The following INPP5K variants were observed in gnomAD, a reference collection of about 807,000 sequenced individuals.
INPP5K encodes inositol polyphosphate-5-phosphatase K.
In INPP5K, 35 loss-of-function variants were observed where a neutral mutation model predicts 53.5. The observed-to-expected ratio is 0.65, with a 90% CI of 0.50 to 0.87. The LOEUF (loss-of-function observed/expected upper bound fraction) is 0.87. Among genes scored for constraint, INPP5K ranks in the 40% least tolerant of loss-of-function variants. The pLI is 0.00. For missense variants in INPP5K, 550 were observed against 586.2 expected, an observed-to-expected ratio of 0.94 and a Z score of 0.64; for synonymous variants, 253 against 232.8, an observed-to-expected ratio of 1.09 and a Z score of -0.79.
At chr17:1,501,244 C>G (rs1003678686) in intron 7 of INPP5K, among the ~76,000 whole-genome samples, 2 of 152,238 alleles carry the variant, frequency 1.3e-5, no homozygotes, top group South Asian at 4.1e-4. Flanking sequence ...AGGCGTGAGC[C>G]ACCGTGCCTG....
rs368809942 is a variant in INPP5K at position 1,511,032 on chromosome 17, GA to G, written c.262-1234del. 1.0e-3 allele frequency among the ~76,000 whole-genome samples: 151 copies of G among 150,648 alleles called. 2 individuals are homozygous for G. The highest frequency in any genetic ancestry group is 3.5e-3 in the African/African-American group (145 of 41,058). On this transcript the variant is annotated intron_variant, in intron 3 of 11. Transcript: ENST00000421807. ...TTTTCTGTGTACATTATAGCTCAGT[GA>G]AAAAAAAATAAGAAAATGCTCCCCC...
chr17:1,502,205 C>T (rs937972571), intron 7 of INPP5K, among the ~76,000 whole-genome samples: 5 of 151,958 alleles, frequency 3.3e-5, no homozygotes, highest in Admixed American at 6.6e-5. Flanking sequence ...AAAAATTAGC[C>T]AGGCGTGGTG....
At chr17:1,507,838 C>T (rs1290017519) in intron 6 of INPP5K, 2 of 297,784 alleles carry the variant, frequency 6.7e-6, no homozygotes, top group Admixed American at 4.7e-5. Context: ...AGCCACCGTG[C>T]CCGGCCCCTA....
rs1376590211 is a variant in INPP5K at position 1,498,024 on chromosome 17, T to C, written c.875A>G (p.His292Arg). ...GTAGCCCCTCAGAGACAAGGAGAAG[T>C]GTGACGCCGGCGGTATGGGAGTGTC... The part of the protein sequence containing the change: ...GPDTPIPPAS[H>R]FSLSLRGYSS... Residue 292 changes from histidine (H) to arginine (R), a missense_variant, in exon 8 of 12, where the codon CAC becomes CGC. Coordinates refer to ENST00000421807, the MANE Select transcript of INPP5K (RefSeq NM_016532.4). 11 of 1,613,940 alleles carry C rather than the reference T, an allele frequency of 6.8e-6. No individual in the cohort carries two copies. The highest frequency in any genetic ancestry group is 1.7e-5 in the Admixed American group (1 of 60,002).
chr17:1,501,361 G>A (rs2075008383), intron 7 of INPP5K, among the ~76,000 whole-genome samples: 1 of 152,226 alleles, frequency 6.6e-6, no homozygotes, highest in South Asian at 2.1e-4. Flanking sequence ...TTACAGTGGT[G>A]AGCTCAGACT....
At position 1,497,951 on chromosome 17, in the gene INPP5K, G is replaced by T; in HGVS notation, c.948C>A (p.Gly316=). The change falls in exon 8 of 12, where the codon GGC becomes GGA. Residue 316 remains glycine (G), a synonymous_variant. Transcript: ENST00000421807. Reference sequence around the variant, plus strand: ...AGAAGTTCACCTCCAAGTCGAACGTGCCGGAGACAGGCTTGTGGTCGCTGA... The same window carrying T: ...AGAAGTTCACCTCCAAGTCGAACGTTCCGGAGACAGGCTTGTGGTCGCTGA... ...YGISDHKPVS[G]TFDLELKPLV... The T allele has an allele frequency of 6.2e-7, 1 of 1,613,422 alleles. No homozygotes were observed. The highest frequency in any genetic ancestry group is 8.5e-7 in the Non-Finnish European group (1 of 1,179,472).
chr17:1,507,274 T>C, intron 6 of INPP5K, 185 bp from the exon 7 acceptor site: 1 of 573,724 alleles, frequency 1.7e-6, no homozygotes, highest in Non-Finnish European at 3.1e-6. Flanking sequence ...AGGCGAATCC[T>C]TTCGGAAACA....
intron 7 of INPP5K, among the ~76,000 whole-genome samples, chr17:1,500,612 G>A (rs556006596): frequency 5.9e-5 from 9 of 152,244 alleles, no homozygotes; most frequent in African/African-American, 9.6e-5. Context: ...TGATCTGCTC[G>A]CCTTGGCCTC....
intron 7 of INPP5K, among the ~76,000 whole-genome samples, chr17:1,501,760 T>C (rs1159691194): frequency 6.6e-6 from 1 of 152,172 alleles, no homozygotes; most frequent in Non-Finnish European, 1.5e-5. Context: ...GGCTCACGCC[T>C]GTAATCCCAG....
chr17:1,507,251 C>G, intron 6 of INPP5K, 162 bp from the exon 7 acceptor site: 1 of 586,806 alleles, frequency 1.7e-6, no homozygotes, highest in South Asian at 2.1e-5. Context: ...GCAGCCCACT[C>G]CCACCAGAAA....
At chr17:1,509,905 T>C in intron 3 of INPP5K, 106 bp from the exon 4 acceptor site, 1 of 678,914 alleles carries the variant, frequency 1.5e-6, no homozygotes, top group East Asian at 2.6e-5. Flanking sequence ...CTACATGCAG[T>C]GTCCTGCTCC....
intron 7 of INPP5K, among the ~76,000 whole-genome samples, chr17:1,506,114 C>T (rs959726249): frequency 2.2e-4 from 33 of 151,716 alleles, no homozygotes; most frequent in African/African-American, 8.0e-4. Context: ...ACCTCTGCCT[C>T]TTGGGTTCAA....
chr17:1,500,929 C>T (rs1035402902), intron 7 of INPP5K, among the ~76,000 whole-genome samples: 1 of 148,606 alleles, frequency 6.7e-6, no homozygotes, highest in Non-Finnish European at 1.5e-5. Flanking sequence ...GTTGGAAACA[C>T]TATTTTTGTC....
intron 10 of INPP5K, 53 bp downstream of exon 10, chr17:1,496,266 G>A: frequency 6.6e-7 from 1 of 1,506,826 alleles, no homozygotes; most frequent in South Asian, 1.2e-5. Flanking sequence ...CACAAGACAG[G>A]AGTGCTGAGG....
intron 1 of INPP5K, chr17:1,515,987 G>C: frequency 1.0e-6 from 1 of 995,142 alleles, no homozygotes. Flanking sequence ...CTAAGTGGGC[G>C]ATTAGCGTTG....
At chr17:1,508,672 G>T (rs1284440130) in intron 5 of INPP5K, among the ~76,000 whole-genome samples, 2 of 152,240 alleles carry the variant, frequency 1.3e-5, no homozygotes, top group African/African-American at 4.8e-5. Flanking sequence ...GTGGGAGCCA[G>T]AACACTGACG....
chr17:1,508,637 G>T, intron 5 of INPP5K: 1 of 309,110 alleles, frequency 3.2e-6, no homozygotes, highest in Non-Finnish European at 6.2e-6. Flanking sequence ...CAGCAGATGG[G>T]CACCAGGGAA....
chr17:1,514,299 G>T (rs890616556), intron 1 of INPP5K, among the ~76,000 whole-genome samples: 9 of 149,532 alleles, frequency 6.0e-5, no homozygotes, highest in African/African-American at 2.2e-4. Flanking sequence ...CTCCAGCCTG[G>T]GTGACAGAGT....
At position 1,513,610 on chromosome 17, in the gene INPP5K, C is replaced by G. The variant is rs768268663; in HGVS notation, c.153-49G>C. 18 of 1,475,642 alleles carry G rather than the reference C, an allele frequency of 1.2e-5. No individual in the cohort carries two copies. The African/African-American group carries it at 1.9e-4, about 16-fold the overall frequency. The allele number at this position is 1,475,642 out of a possible 1,614,324, so 91.4% of individuals were successfully genotyped here. A position where few individuals can be genotyped will look rare whatever the true frequency, so the allele number is the denominator to read the frequency against. On this transcript the variant is annotated intron_variant, in intron 2 of 11. Coordinates refer to ENST00000421807, the MANE Select transcript of INPP5K (RefSeq NM_016532.4). ...TGGCCCCTGGCCTCCAGGCTACTTC[C>G]CCTGCCACAGATATTTGATACCATC...
Sources: allele counts gnomAD v4.1 joint callset (sites outside exome capture counted in the v4.1 genomes callset), GRCh38; gene constraint gnomAD v4.1.1; transcripts MANE v1.5; gene names NCBI Gene and HGNC (gene_info 2026-07-23, HGNC 2026-07-21).